Variants in SCN9A observed in about 807,000 individuals in gnomAD.
SCN9A encodes the protein sodium channel protein type 9 subunit alpha.
In SCN9A, 131 loss-of-function variants were observed where a neutral mutation model predicts 187.0. That is an observed-to-expected ratio of 0.70 (90% confidence interval 0.61 to 0.81). The LOEUF is 0.81. SCN9A is among the 30% of genes least tolerant of loss of function. The pLI is 0.00. For missense variants in SCN9A, 2,252 were observed against 2,396.6 expected (o/e 0.94, Z 1.26); for synonymous variants, 809 against 808.6 (o/e 1.00, Z -0.01).
Position 166,366,672 on chromosome 2 carries a change from A to G in SCN9A, c.-51+9025T>C, listed in dbSNP as rs544008440. ...ACAACACCTTTCACTTTTTTATAAC[A>G]GCCATCTTAACAGGTGTGAGATGAT... is the stretch of plus-strand genomic sequence containing the variant. On this transcript the variant is annotated intron_variant, in intron 1 of 26. Coordinates refer to ENST00000642356, the MANE Select transcript of SCN9A (RefSeq NM_001365536.1). 1.6e-3 allele frequency among the ~76,000 whole-genome samples: 249 copies of G among 152,282 alleles called. 3 individuals are homozygous for G. Among genetic ancestry groups the G allele is most frequent in the African/African-American group, 5.7e-3 (237 of 41,558 alleles).
At chr2:166,320,920 A>T (rs1699222291) in intron 1 of SCN9A, among the ~76,000 whole-genome samples, 1 of 152,142 alleles carries the variant, frequency 6.6e-6, no homozygotes. Flanking sequence ...TGTGTAACCT[A>T]AAAAAATACA....
intron 1 of SCN9A, among the ~76,000 whole-genome samples, chr2:166,365,830 TTTATCTCTTCA>T (rs1470335717): frequency 6.6e-6 from 1 of 152,210 alleles, no homozygotes. Context: ...GTGGCGAATA[TTTATCTCTTCA>T]TTATCTCTTA....
At chr2:166,370,199 A>C (rs1559068951) in intron 1 of SCN9A, among the ~76,000 whole-genome samples, 1 of 127,418 alleles carries the variant, frequency 7.8e-6, no homozygotes, top group African/African-American at 2.9e-5. Flanking sequence ...TTAAAATAAT[A>C]ATAATAATAA....
chr2:166,340,868 C>T (rs1470862541), intron 1 of SCN9A, among the ~76,000 whole-genome samples: 9 of 152,006 alleles, frequency 5.9e-5, no homozygotes, highest in Non-Finnish European at 2.9e-5. Context: ...AGTGATCCAC[C>T]CACCTCAGCC....
chr2:166,199,446 A>G lies in SCN9A; in HGVS notation c.5193T>C (p.Gly1731=). The stretch of plus-strand genomic sequence containing the variant: ...AGTAGAATATTCCAACAGATGGGTT[A>G]CCACAGTCTCCTTCAACTGAACTTC... ...HPGSSVEGDC[G]NPSVGIFYFV... Residue 1731 remains glycine (G), a synonymous_variant, in exon 27 of 27, where the codon GGT becomes GGC. Transcript: ENST00000642356. The G allele has an allele frequency of 6.2e-7, 1 of 1,614,232 alleles. No homozygotes were observed. The highest frequency in any genetic ancestry group is 1.1e-5 in the South Asian group (1 of 91,082).
At chr2:166,282,818 C>A (rs865886112) in intron 12 of SCN9A, among the ~76,000 whole-genome samples, 1 of 152,124 alleles carries the variant, frequency 6.6e-6, no homozygotes, top group South Asian at 2.1e-4. Flanking sequence ...TTTGAGAGAT[C>A]TCTGTAAAAA....
At chr2:166,301,352 A>G (rs1249854167) in intron 7 of SCN9A, 1 of 150,410 alleles carries the variant, frequency 6.6e-6, no homozygotes, top group Non-Finnish European at 1.5e-5. Context: ...TTTATCAGAC[A>G]ATGTCCACAT....
At chr2:166,298,043 A>G (rs1183330515) in intron 7 of SCN9A, among the ~76,000 whole-genome samples, 1 of 152,198 alleles carries the variant, frequency 6.6e-6, no homozygotes, top group Non-Finnish European at 1.5e-5. Flanking sequence ...GCTTGGGCCT[A>G]TGGAAGTGAA....
intron 24 of SCN9A, among the ~76,000 whole-genome samples, chr2:166,213,805 A>G (rs192820971): frequency 6.6e-6 from 1 of 152,284 alleles, no homozygotes; most frequent in East Asian, 1.9e-4. Flanking sequence ...CTACATACAC[A>G]TGGATCAGTT....
intron 2 of SCN9A, among the ~76,000 whole-genome samples, chr2:166,309,248 AC>A (rs1698863596): frequency 6.6e-6 from 1 of 152,136 alleles, no homozygotes; most frequent in African/African-American, 2.4e-5. Flanking sequence ...AGATCAAGTT[AC>A]CTTATACTTG....
At chr2:166,339,366 C>A (rs1699710241) in intron 1 of SCN9A, among the ~76,000 whole-genome samples, 1 of 151,968 alleles carries the variant, frequency 6.6e-6, no homozygotes, top group Non-Finnish European at 1.5e-5. Flanking sequence ...CATGTAGTGG[C>A]CTTTTATCAA....
At chr2:166,256,930 T>C (rs978952638) in intron 17 of SCN9A, among the ~76,000 whole-genome samples, 9 of 151,658 alleles carry the variant, frequency 5.9e-5, no homozygotes, top group African/African-American at 2.2e-4. Context: ...AATGATAAGA[T>C]ATGAATATAA....
chr2:166,304,117 A>G, intron 6 of SCN9A, 121 bp downstream of exon 6: 2 of 1,613,570 alleles, frequency 1.2e-6, no homozygotes, highest in Admixed American at 1.7e-5. Context: ...AAACTCTGTC[A>G]CATATCTGTA....
Position 166,286,501 on chromosome 2 carries a change from T to C in SCN9A, c.1437A>G (p.Arg479=). Residue 479 remains arginine (R), a synonymous_variant, in exon 11 of 27, where the codon AGA becomes AGG. Coordinates refer to ENST00000642356, the MANE Select transcript of SCN9A (RefSeq NM_001365536.1). Reference sequence around the variant, plus strand: ...GCTTCTTTTGATTCTTTTTCTTTCTTCTGTTTCTTCTTTCTTTAGCACTTT... The same window carrying C: ...GCTTCTTTTGATTCTTTTTCTTTCTCCTGTTTCTTCTTTCTTTAGCACTTT... ...SSKSAKERRN[R]RKKKNQKKLS... is the part of the protein sequence containing the mutation. The C allele has an allele frequency of 6.2e-7, 1 of 1,613,672 alleles. No homozygotes were observed. Among genetic ancestry groups the C allele is most frequent in the South Asian group, 1.1e-5 (1 of 91,022 alleles).
At chr2:166,250,314 T>C (rs1695980197) in intron 18 of SCN9A, among the ~76,000 whole-genome samples, 4 of 152,128 alleles carry the variant, frequency 2.6e-5, no homozygotes, top group African/African-American at 7.2e-5. Context: ...ATAACTTCTG[T>C]ATAAGATTGT....
intron 17 of SCN9A, among the ~76,000 whole-genome samples, chr2:166,264,731 T>C (rs1696658203): frequency 2.6e-5 from 4 of 151,860 alleles, no homozygotes; most frequent in African/African-American, 7.3e-5. Context: ...GGATGCTAGG[T>C]CATAAAAGAG....
rs1553472676 is a variant in SCN9A at position 166,198,722 on chromosome 2, T to C, written c.5917A>G (p.Arg1973Gly). 2 of 1,612,680 alleles carry C rather than the reference T, an allele frequency of 1.2e-6. No homozygotes were observed. The highest frequency in any genetic ancestry group is 1.7e-6 in the Non-Finnish European group (2 of 1,179,406). ...KPDKEKYEQD[R>G]TEKEDKGKDS... ...TTCCCTTTGTCTTCCTTTTCTGTTC[T>C]GTCTTGTTCATATTTCTCTTTGTCT... Residue 1973 changes from arginine (R) to glycine (G), a missense_variant, in exon 27 of 27, where the codon AGA becomes GGA. Arg to Gly is a moderately radical substitution (Grantham distance 125, BLOSUM62 -2). Transcript: ENST00000642356.
Position 166,284,778 on chromosome 2 carries a change from C to G in SCN9A, c.1649G>C (p.Ser550Thr). The change falls in exon 12 of 27, where the codon AGC becomes ACC. Residue 550 changes from serine to threonine, a missense_variant. By Grantham distance (58) the Ser-to-Thr change is moderately conservative (BLOSUM62 1). Coordinates refer to ENST00000642356, the MANE Select transcript of SCN9A (RefSeq NM_001365536.1). ...RGSLFSARRS[S>T]RTSLFSFKGR... is the part of the protein sequence containing the mutation. ...TTTGAAACTAAAAAGACTTGTTCTG[C>G]TGCTTCGCCTTGCAGAAAACAAGGA... The G allele has an allele frequency of 6.2e-7, 1 of 1,613,290 alleles. No individual in the cohort carries two copies. Among genetic ancestry groups the G allele is most frequent in the South Asian group, 1.1e-5 (1 of 91,070 alleles).
intron 1 of SCN9A, among the ~76,000 whole-genome samples, chr2:166,323,999 C>T (rs1362737863): frequency 6.7e-6 from 1 of 150,200 alleles, no homozygotes; most frequent in Admixed American, 6.7e-5. Flanking sequence ...TAGCTACACG[C>T]TCACAACTCT....
Sources: gnomAD v4.1 joint callset for allele counts (sites outside exome capture counted in the v4.1 genomes callset) on GRCh38, gnomAD v4.1.1 for gene constraint, MANE v1.5 for transcripts, NCBI Gene and HGNC (gene_info 2026-07-23, HGNC 2026-07-21) for gene names.